Variants in OGA observed in about 807,000 individuals in gnomAD.
OGA encodes the protein protein O-GlcNAcase.
In OGA, 21 loss-of-function variants were observed where a neutral mutation model predicts 102.0. That is an observed-to-expected ratio of 0.21 (90% CI 0.15 to 0.30). The LOEUF is 0.30. OGA is among the 10% of genes least tolerant of loss of function. OGA has a pLI of 1.00. For missense variants in OGA, 765 were observed against 1,107.8 expected, an observed-to-expected ratio of 0.69 and a Z score of 4.39; for synonymous variants, 408 against 378.2, an observed-to-expected ratio of 1.08 and a Z score of -0.91.
intron 14 of OGA, 54 bp downstream of exon 14, chr10:101,790,842 A>T (rs979219636): frequency 3.1e-6 from 4 of 1,277,240 alleles, no homozygotes; most frequent in Non-Finnish European, 4.2e-6. Context: ...AAAAATAAAA[A>T]TAAATAAATA....
intron 14 of OGA, 47 bp from the exon 15 acceptor site, chr10:101,787,570 A>G (rs776890029): frequency 2.7e-6 from 4 of 1,505,204 alleles, no homozygotes; most frequent in South Asian, 1.2e-5. Flanking sequence ...TACGCATTAG[A>G]TATCTAACCC....
rs556383061 is a variant in OGA, at chr10:101,789,455, G to A, written c.2454+1441C>T. Among the ~76,000 whole-genome samples, 7 of 152,206 alleles carry A rather than the reference G, an allele frequency of 4.6e-5. No individual in the cohort carries two copies. The South Asian group carries it at 6.2e-4, about 14-fold the overall frequency. ...GGAGGTTGCGGTGAGCCAAGATTGCGTCACTGCACTCCAGCCTGGGCAACA... is the reference window on the plus strand; with the variant it reads ...GGAGGTTGCGGTGAGCCAAGATTGCATCACTGCACTCCAGCCTGGGCAACA... On this transcript the variant is annotated intron_variant, in intron 14 of 15. Coordinates refer to ENST00000361464, the MANE Select transcript of OGA (RefSeq NM_012215.5).
intron 3 of OGA, 53 bp downstream of exon 3, chr10:101,812,977 A>G: frequency 7.6e-7 from 1 of 1,312,970 alleles, no homozygotes; most frequent in South Asian, 1.2e-5. Flanking sequence ...CATTTAAAAT[A>G]TAACCGTTTT....
Position 101,818,411 on chromosome 10 carries a change from T to A in OGA, c.-389A>T, listed in dbSNP as rs370866400. On this transcript the variant is annotated 5_prime_UTR_variant, in exon 1 of 16. Coordinates refer to ENST00000361464, the MANE Select transcript of OGA (RefSeq NM_012215.5). ...TCCAAGCCCCGAGCTCTCCCTCTGCTGCTGCCTCCACCGCCCGCTTCCTGT... is the reference window on the plus strand; with the variant it reads ...TCCAAGCCCCGAGCTCTCCCTCTGCAGCTGCCTCCACCGCCCGCTTCCTGT... 60 of 1,018,170 alleles carry A rather than the reference T, an allele frequency of 5.9e-5. No individual in the cohort carries two copies. The highest frequency in any genetic ancestry group is 4.8e-4 in the Middle Eastern group (1 of 2,088). 63.1% of individuals were successfully genotyped at this position (1,018,170 alleles called of 1,614,324 possible).
chr10:101,805,244 T>C (rs1003046892), intron 6 of OGA, among the ~76,000 whole-genome samples: 6 of 152,162 alleles, frequency 3.9e-5, no homozygotes, highest in Admixed American at 3.9e-4. Flanking sequence ...TTGTCTAAGC[T>C]GGTCTTGAAC....
intron 7 of OGA, among the ~76,000 whole-genome samples, chr10:101,800,816 C>T (rs1434260348): frequency 6.7e-6 from 1 of 149,230 alleles, no homozygotes; most frequent in Non-Finnish European, 1.5e-5. Flanking sequence ...ACCCCATCAC[C>T]CAGGCTGGAG....
In OGA at chr10:101,787,614, T is replaced by TA. The variant is rs1175340242; in HGVS notation, c.2455-92dup. 4.9e-6 allele frequency: 5 copies of TA among 1,015,000 alleles called. No homozygotes were observed. The African/African-American group carries it at 6.4e-5, about 13-fold the overall frequency. The allele number at this position is 1,015,000 out of a possible 1,614,324, so 62.9% of individuals were successfully genotyped here. A position where few individuals can be genotyped will look rare whatever the true frequency, so the allele number is the denominator to read the frequency against. On this transcript the variant is annotated intron_variant, in intron 14 of 15. Transcript: ENST00000361464. ...AACTTAGCAACAAGAAAGCAATATT[T>TA]AATAACTCTTCCAGTCACTATGTAA... is the stretch of plus-strand genomic sequence containing the variant.
chr10:101,805,672 A>AG (rs2065460444), intron 6 of OGA, among the ~76,000 whole-genome samples: 1 of 147,642 alleles, frequency 6.8e-6, no homozygotes, highest in Admixed American at 6.8e-5. Context: ...AAAAAAAAAA[A>AG]AGGCCAGGCG....
At position 101,803,838 on chromosome 10, in the gene OGA, G is replaced by C. The variant is rs746744794; in HGVS notation, c.933C>G (p.Leu311=). The change falls in exon 7 of 16, where the codon CTC becomes CTG. Residue 311 remains leucine (L), a synonymous_variant. Transcript: ENST00000361464. ...TELIPRLKGV[L]TNPNCEFEAN... ...CTTCAAATTCACAATTTGGATTAGT[G>C]AGGACTCCTTTTAACCGTGGGATGA... is the stretch of plus-strand genomic sequence containing the variant. The C allele has an allele frequency of 1.2e-6, 2 of 1,614,184 alleles. No individual in the cohort carries two copies. The highest frequency in any genetic ancestry group is 4.5e-5 in the East Asian group (2 of 44,888).
intron 11 of OGA, chr10:101,793,695 C>T: frequency 2.1e-6 from 1 of 471,016 alleles, no homozygotes; most frequent in South Asian, 2.2e-5. Flanking sequence ...CCTAGAGCCG[C>T]TGCGCTTCGC....
intron 1 of OGA, 100 bp downstream of exon 1, chr10:101,817,724 G>A: frequency 3.0e-6 from 4 of 1,339,754 alleles, no homozygotes; most frequent in South Asian, 1.4e-5. Context: ...AGACCCAGAG[G>A]CTTTCCGGCC....
At position 101,806,107 on chromosome 10, in the gene OGA, T is replaced by A; in HGVS notation, c.689A>T (p.Gln230Leu). Residue 230 changes from glutamine (Q) to leucine (L), a missense_variant, in exon 6 of 16, where the codon CAG becomes CTG. Around this residue, in one of 7 missense-constraint regions of OGA, gnomAD observed 165 missense variants for 249.7 expected, o/e 0.66. Coordinates refer to ENST00000361464, the MANE Select transcript of OGA (RefSeq NM_012215.5). Reference protein sequence around the residue: ...CGTFCYPNVSQSPYLRTVGEK... With the variant: ...CGTFCYPNVSLSPYLRTVGEK... ...ACCCACAGTCCTTAAATATGGAGACTGAGACACATTTGGATAACAGAAAGT... is the reference window on the plus strand; with the variant it reads ...ACCCACAGTCCTTAAATATGGAGACAGAGACACATTTGGATAACAGAAAGT... The A allele has an allele frequency of 6.2e-7, 1 of 1,611,680 alleles. No individual in the cohort carries two copies. Among genetic ancestry groups the A allele is most frequent in the South Asian group, 1.1e-5 (1 of 91,056 alleles).
At chr10:101,805,279 C>T (rs922992010) in intron 6 of OGA, among the ~76,000 whole-genome samples, 1 of 152,106 alleles carries the variant, frequency 6.6e-6, no homozygotes, top group Non-Finnish European at 1.5e-5. Context: ...ACCTCAGGCT[C>T]CCCACTCAGG....
At chr10:101,793,600 T>C (rs952039459) in intron 11 of OGA, 3 of 184,278 alleles carry the variant, frequency 1.6e-5, no homozygotes, top group Non-Finnish European at 3.4e-5. Flanking sequence ...GAGCTTCCAC[T>C]GGCAGACAAG....
Position 101,818,037 on chromosome 10 carries a change from C to A in OGA, c.-15G>T. On this transcript the variant is annotated 5_prime_UTR_variant, in exon 1 of 16. Coordinates refer to ENST00000361464, the MANE Select transcript of OGA (RefSeq NM_012215.5). ...TTCTGCACCATCCTCCTGCCCCCGG[C>A]CGCTGCCACCTCTGCGGGTCCTCCT... is the stretch of plus-strand genomic sequence containing the variant. 1 of 1,557,496 alleles carries A rather than the reference C, an allele frequency of 6.4e-7. No homozygotes were observed.
At chr10:101,794,870 A>C (rs1399288693) in intron 10 of OGA, among the ~76,000 whole-genome samples, 1 of 152,218 alleles carries the variant, frequency 6.6e-6, no homozygotes, top group Non-Finnish European at 1.5e-5. Context: ...TGACAAGATA[A>C]AGCAGCGCAA....
chr10:101,791,448 A>G lies in OGA; in HGVS notation c.2176-9T>C. 6.2e-7 allele frequency: 1 copy of G among 1,609,896 alleles called. No homozygotes were observed. Among genetic ancestry groups the G allele is most frequent in the Non-Finnish European group, 8.5e-7 (1 of 1,176,368 alleles). On this transcript the variant is annotated splice_polypyrimidine_tract_variant and intron_variant, in intron 12 of 15. Coordinates refer to ENST00000361464, the MANE Select transcript of OGA (RefSeq NM_012215.5). Reference sequence around the variant, plus strand: ...ATCTTGTACACGGATGCCTGAAAATATAATCTAGTTAAGCAACACATCAAG... The same window carrying G: ...ATCTTGTACACGGATGCCTGAAAATGTAATCTAGTTAAGCAACACATCAAG...
intron 14 of OGA, 49 bp downstream of exon 14, chr10:101,790,847 T>A (rs1124714): frequency 1.5e-5 from 20 of 1,296,384 alleles, no homozygotes; most frequent in Non-Finnish European, 2.1e-5. Flanking sequence ...TAAAAATAAA[T>A]AAATAAAAAA....
chr10:101,815,768 G>C (rs959430653), intron 1 of OGA, among the ~76,000 whole-genome samples: 2 of 151,572 alleles, frequency 1.3e-5, no homozygotes, highest in Admixed American at 1.3e-4. Context: ...ACCCTACCTT[G>C]GCTCTTTTGA....
Sources: gnomAD v4.1 joint callset for allele counts (sites outside exome capture counted in the v4.1 genomes callset) on GRCh38, gnomAD v4.1.1 for gene constraint, gnomAD v4.1.1 regional missense constraint, MANE v1.5 for transcripts, NCBI Gene and HGNC (gene_info 2026-07-23, HGNC 2026-07-21) for gene names.